DOK6: variants seen among roughly 807,000 people sequenced by gnomAD.
The protein encoded by DOK6 is docking protein 6, also known as downstream of tyrosine kinase 6.
Under a neutral mutation model 44.0 loss-of-function variants are expected in DOK6, and 22 were observed. The observed-to-expected ratio is 0.50, with a 90% CI of 0.36 to 0.71. The LOEUF (loss-of-function observed/expected upper bound fraction) is 0.71. Among genes scored for constraint, DOK6 ranks in the 30% least tolerant of loss-of-function variants. The pLI is 0.00. For synonymous variants in DOK6, 166 were observed against 145.5 expected, an observed-to-expected ratio of 1.14 and a Z score of -1.01; for missense variants, 340 against 416.4, an observed-to-expected ratio of 0.82 and a Z score of 1.60.
At chr18:69,655,675 C>T (rs893822697) in intron 3 of DOK6, among the ~76,000 whole-genome samples, 2 of 148,416 alleles carry the variant, frequency 1.3e-5, no homozygotes, top group Non-Finnish European at 3.0e-5. Flanking sequence ...ATTGCTTGAA[C>T]CCGGGAGGTG....
intron 1 of DOK6, among the ~76,000 whole-genome samples, chr18:69,459,099 ACC>A (rs75585225): frequency 0.34 from 33,394 of 98,062 alleles, 5,612 homozygotes; most frequent in African/African-American, 0.47. Context: ...CCCCCCAACA[ACC>A]CCCCCCCCAA....
chr18:69,806,601 A>C (rs1981057431), intron 7 of DOK6, among the ~76,000 whole-genome samples: 1 of 151,950 alleles, frequency 6.6e-6, no homozygotes, highest in African/African-American at 2.4e-5. Context: ...ATGGTCCATA[A>C]ATGCATTTTG....
intron 6 of DOK6, among the ~76,000 whole-genome samples, chr18:69,755,966 G>A (rs1979340857): frequency 6.6e-6 from 1 of 152,248 alleles, no homozygotes; most frequent in Non-Finnish European, 1.5e-5. Flanking sequence ...AGGACCTGAA[G>A]GGGCCAGGCT....
At chr18:69,673,042 G>A (rs1388176725) in intron 3 of DOK6, among the ~76,000 whole-genome samples, 1 of 152,000 alleles carries the variant, frequency 6.6e-6, no homozygotes, top group Admixed American at 6.6e-5. Context: ...GACAAAACAG[G>A]ATTATTTTGT....
rs149092692 is a variant in DOK6, at chr18:69,729,696, C to T, written c.600-9269C>T. Among the ~76,000 whole-genome samples, 416 of 152,212 alleles carry T rather than the reference C, an allele frequency of 2.7e-3. 4 individuals are homozygous for T. Among genetic ancestry groups the T allele is most frequent in the African/African-American group, 9.6e-3 (397 of 41,522 alleles). ...CTGTCACCGAAGTGAAAAATACACCCGCCAAGGGAAATTCCCACACACAAT... is the reference window on the plus strand; with the variant it reads ...CTGTCACCGAAGTGAAAAATACACCTGCCAAGGGAAATTCCCACACACAAT... On this transcript the variant is annotated intron_variant, in intron 5 of 7. Transcript: ENST00000382713.
chr18:69,418,211 TTTTGA>T (rs1312791905), intron 1 of DOK6, among the ~76,000 whole-genome samples: 1 of 151,690 alleles, frequency 6.6e-6, no homozygotes, highest in Non-Finnish European at 1.5e-5. Context: ...TATTAATCTA[TTTTGA>T]TTTGATTTAT....
intron 2 of DOK6, among the ~76,000 whole-genome samples, chr18:69,597,157 A>G (rs975903813): frequency 1.3e-5 from 2 of 152,132 alleles, no homozygotes; most frequent in African/African-American, 4.8e-5. Context: ...ATATCACAGT[A>G]AGGGAAAAAG....
At chr18:69,412,221 G>C (rs930674503) in intron 1 of DOK6, among the ~76,000 whole-genome samples, 8 of 152,052 alleles carry the variant, frequency 5.3e-5, no homozygotes, top group Admixed American at 1.3e-4. Context: ...TTTTTGTGGA[G>C]GTAGAGGTCA....
chr18:69,489,938 A>C (rs1038190813), intron 1 of DOK6, among the ~76,000 whole-genome samples: 4 of 152,120 alleles, frequency 2.6e-5, no homozygotes, highest in Non-Finnish European at 4.4e-5. Context: ...AAAAAAAAAA[A>C]AAAACCCTAT....
intron 1 of DOK6, among the ~76,000 whole-genome samples, chr18:69,498,702 T>C (rs892428031): frequency 1.1e-4 from 17 of 152,168 alleles, no homozygotes; most frequent in Non-Finnish European, 1.5e-4. Context: ...AGGTGATTTT[T>C]ATAACTATTT....
intron 7 of DOK6, among the ~76,000 whole-genome samples, chr18:69,811,565 TATATATATATATCA>T (rs1391912850): frequency 7.6e-4 from 12 of 15,816 alleles, no homozygotes; most frequent in East Asian, 4.0e-3. Context: ...TATATATATA[TATATATATATATCA>T]AAACACTACG....
chr18:69,614,014 G>GTTTTTTTTT (rs1984224443), intron 3 of DOK6, among the ~76,000 whole-genome samples: 3 of 149,990 alleles, frequency 2.0e-5, no homozygotes, highest in African/African-American at 7.4e-5. Context: ...AGTTTTCTGA[G>GTTTTTTTTT]TATTATTACC....
At chr18:69,821,761 T>C (rs1204337481) in intron 7 of DOK6, among the ~76,000 whole-genome samples, 2 of 149,386 alleles carry the variant, frequency 1.3e-5, no homozygotes, top group Non-Finnish European at 3.0e-5. Flanking sequence ...TTTTTTTCCA[T>C]TTCATATTTG....
intron 1 of DOK6, among the ~76,000 whole-genome samples, chr18:69,415,027 TAATTATGA>T (rs202164257): frequency 6.6e-6 from 1 of 152,234 alleles, no homozygotes; most frequent in East Asian, 1.9e-4. Flanking sequence ...TCACTTTTCT[TAATTATGA>T]ATTGGGTAGA....
At chr18:69,467,882 C>T (rs1395244182) in intron 1 of DOK6, among the ~76,000 whole-genome samples, 3 of 152,110 alleles carry the variant, frequency 2.0e-5, no homozygotes, top group South Asian at 4.1e-4. Flanking sequence ...ACAGACAACA[C>T]AGTTTCCAAA....
chr18:69,670,054 G>A lies in DOK6; in HGVS notation c.290-7680G>A, dbSNP rs1002473949. ...GTCCTCCTCGGAAGAAAATCAAGCT[G>A]TTATCAATTTGATTTTTTTGAACAT... On this transcript the variant is annotated intron_variant, in intron 3 of 7. Coordinates refer to ENST00000382713, the MANE Select transcript of DOK6 (RefSeq NM_152721.6). 1.4e-4 allele frequency among the ~76,000 whole-genome samples: 22 copies of A among 152,118 alleles called. No individual in the cohort carries two copies. In the Middle Eastern group the frequency reaches 0.01, roughly 71 times the overall value.
chr18:69,633,531 C>G (rs1164101287), intron 3 of DOK6, among the ~76,000 whole-genome samples: 1 of 151,998 alleles, frequency 6.6e-6, no homozygotes, highest in African/African-American at 2.4e-5. Context: ...GTTATTTTTG[C>G]CGTAGTTTAA....
intron 7 of DOK6, among the ~76,000 whole-genome samples, chr18:69,797,306 G>A (rs1047448047): frequency 6.6e-6 from 1 of 151,978 alleles, no homozygotes; most frequent in East Asian, 1.9e-4. Context: ...CACTGTAGTC[G>A]GATAATTTTA....
chr18:69,778,491 C>T (rs1201737573), intron 7 of DOK6, among the ~76,000 whole-genome samples: 1 of 152,202 alleles, frequency 6.6e-6, no homozygotes, highest in Non-Finnish European at 1.5e-5. Flanking sequence ...GCAATAAACA[C>T]TTCACTCAGA....
Sources: gnomAD v4.1 joint callset for allele counts (sites outside exome capture counted in the v4.1 genomes callset) on GRCh38, gnomAD v4.1.1 for gene constraint, MANE v1.5 for transcripts, NCBI Gene and HGNC (gene_info 2026-07-23, HGNC 2026-07-21) for gene names.